Variants in PLD1 observed in about 807,000 individuals in gnomAD.
PLD1 encodes the protein phospholipase D1.
PLD1 carries 112 observed loss-of-function variants against 137.1 expected under a neutral mutation model. The observed-to-expected ratio is 0.82, with a 90% CI of 0.70 to 0.96. The LOEUF is 0.96. PLD1 is among the 40% of genes least tolerant of loss of function. The pLI, the probability that PLD1 is intolerant of heterozygous loss-of-function variation, is 0.00. For synonymous variants in PLD1, 431 were observed against 454.7 expected, an observed-to-expected ratio of 0.95 and a Z score of 0.66; for missense variants, 1,321 against 1,342.0, an observed-to-expected ratio of 0.98 and a Z score of 0.24.
chr3:171,713,741 G>A (rs1336502140), intron 9 of PLD1, 152 bp downstream of exon 9: 10 of 636,740 alleles, frequency 1.6e-5, no homozygotes, highest in African/African-American at 5.5e-5. Context: ...ATATATACAA[G>A]GAAAAAAGTG....
At chr3:171,688,596 T>C in intron 14 of PLD1, 80 bp downstream of exon 14, 1 of 1,060,682 alleles carries the variant, frequency 9.4e-7, no homozygotes, top group South Asian at 1.3e-5. Flanking sequence ...ATTCAATGAA[T>C]CAATCAGTCA....
chr3:171,698,179 G>A (rs1282440947), intron 12 of PLD1, among the ~76,000 whole-genome samples: 1 of 152,200 alleles, frequency 6.6e-6, no homozygotes, highest in East Asian at 1.9e-4. Context: ...CAAGACATGA[G>A]TCCCTCAGCA....
At chr3:171,709,305 A>G (rs1716956299) in intron 10 of PLD1, among the ~76,000 whole-genome samples, 1 of 152,250 alleles carries the variant, frequency 6.6e-6, no homozygotes, top group Admixed American at 6.5e-5. Flanking sequence ...CATTAAAGAA[A>G]TGTATGAAGT....
At chr3:171,642,415 C>G (rs1735829131) in intron 23 of PLD1, among the ~76,000 whole-genome samples, 1 of 143,700 alleles carries the variant, frequency 7.0e-6, no homozygotes, top group South Asian at 2.2e-4. Flanking sequence ...TGGGACCACA[C>G]CATTGCACTC....
chr3:171,783,623 T>C (rs1294959842), intron 1 of PLD1, among the ~76,000 whole-genome samples: 4 of 151,668 alleles, frequency 2.6e-5, no homozygotes, highest in Non-Finnish European at 5.9e-5. Flanking sequence ...TGAGATAGGG[T>C]TTGTTTGTTT....
intron 8 of PLD1, among the ~76,000 whole-genome samples, chr3:171,715,030 C>T (rs73041854): frequency 0.035 from 5,387 of 152,246 alleles, 259 homozygotes; most frequent in African/African-American, 0.11. Context: ...CAAAGTTTCT[C>T]ATTTGGGACC....
At chr3:171,710,410 T>C (rs762699059) in intron 9 of PLD1, among the ~76,000 whole-genome samples, 3 of 151,616 alleles carry the variant, frequency 2.0e-5, no homozygotes, top group Non-Finnish European at 4.4e-5. Flanking sequence ...TGATGGGGAG[T>C]AGTTTCGAGA....
chr3:171,809,852 T>G (rs896330644), intron 1 of PLD1: 3 of 152,294 alleles, frequency 2.0e-5, no homozygotes, highest in African/African-American at 7.2e-5. Flanking sequence ...CACCTCCGAG[T>G]GGTCACATCA....
chr3:171,723,716 G>C (rs1343421306), intron 8 of PLD1, among the ~76,000 whole-genome samples: 1 of 152,122 alleles, frequency 6.6e-6, no homozygotes, highest in East Asian at 1.9e-4. Flanking sequence ...TTTCTCTGAT[G>C]ATCAATGATA....
chr3:171,605,428 G>A lies in PLD1; in HGVS notation c.2883-12C>T. 6.8e-7 allele frequency: 1 copy of A among 1,474,534 alleles called. No individual in the cohort carries two copies. The highest frequency in any genetic ancestry group is 1.1e-5 in the South Asian group (1 of 88,170). The allele number at this position is 1,474,534 out of a possible 1,614,324, so 91.3% of individuals were successfully genotyped here. On this transcript the variant is annotated splice_polypyrimidine_tract_variant and intron_variant, in intron 25 of 26. Coordinates refer to ENST00000351298, the MANE Select transcript of PLD1 (RefSeq NM_002662.5). ...AGCCAAGGACAACCCTGAAATACAA[G>A]TGACCTCCACATTGAGTAACTGAGA...
chr3:171,779,753 T>C (rs1409917908), intron 1 of PLD1, among the ~76,000 whole-genome samples: 1 of 149,146 alleles, frequency 6.7e-6, no homozygotes, highest in Non-Finnish European at 1.5e-5. Context: ...AGGACTGGGG[T>C]TTGGATATGT....
chr3:171,652,896 T>A (rs1182387312), intron 21 of PLD1, among the ~76,000 whole-genome samples: 1 of 146,912 alleles, frequency 6.8e-6, no homozygotes, highest in East Asian at 2.1e-4. Context: ...ATCAAAGGCA[T>A]AAGCCACAGT....
intron 19 of PLD1, among the ~76,000 whole-genome samples, chr3:171,672,663 GA>G (rs1309438794): frequency 6.6e-6 from 1 of 151,666 alleles, no homozygotes; most frequent in East Asian, 1.9e-4. Flanking sequence ...AATTTTTTAA[GA>G]ACTTTTTGTA....
At chr3:171,753,127 T>C (rs1720777945) in intron 1 of PLD1, among the ~76,000 whole-genome samples, 1 of 152,224 alleles carries the variant, frequency 6.6e-6, no homozygotes, top group Non-Finnish European at 1.5e-5. Context: ...ATGGGCTGGA[T>C]AAACTGCTTT....
chr3:171,719,595 A>C (rs1306147920), intron 8 of PLD1, among the ~76,000 whole-genome samples: 2 of 152,262 alleles, frequency 1.3e-5, no homozygotes, highest in African/African-American at 4.8e-5. Context: ...TAAGTAAGAA[A>C]GTGCTAAGGA....
intron 21 of PLD1, among the ~76,000 whole-genome samples, chr3:171,649,513 G>T (rs1023875432): frequency 1.3e-5 from 2 of 152,200 alleles, no homozygotes; most frequent in African/African-American, 4.8e-5. Flanking sequence ...CAGCTGCTGA[G>T]GAATCCAACG....
chr3:171,789,883 G>A (rs748865785), intron 1 of PLD1: 1 of 152,216 alleles, frequency 6.6e-6, no homozygotes, highest in Non-Finnish European at 1.5e-5. Flanking sequence ...AGTATGTGAT[G>A]TGGCTGGGCT....
intron 6 of PLD1, among the ~76,000 whole-genome samples, chr3:171,729,041 A>T (rs1718739275): frequency 6.6e-6 from 1 of 152,234 alleles, no homozygotes; most frequent in South Asian, 2.1e-4. Context: ...TTGAAATTTA[A>T]CAAAGATGAT....
chr3:171,611,581 T>C (rs903792567), intron 25 of PLD1: 2 of 518,740 alleles, frequency 3.9e-6, no homozygotes, highest in African/African-American at 3.9e-5. Context: ...AGTTTAAAAT[T>C]TGCATCTTCT....
Sources: gnomAD v4.1 joint callset for allele counts (sites outside exome capture counted in the v4.1 genomes callset) on GRCh38, gnomAD v4.1.1 for gene constraint, MANE v1.5 for transcripts, NCBI Gene and HGNC (gene_info 2026-07-23, HGNC 2026-07-21) for gene names.